Variants in NRXN1 observed in about 807,000 individuals in gnomAD.
The protein encoded by NRXN1 is neurexin-1.
Under a neutral mutation model 150.9 loss-of-function variants are expected in NRXN1, and 39 were observed. The observed-to-expected ratio is 0.26, with a 90% CI of 0.20 to 0.34. The LOEUF (loss-of-function observed/expected upper bound fraction) is 0.34. Among genes scored for constraint, NRXN1 ranks in the 10% least tolerant of loss-of-function variants. NRXN1 has a pLI of 1.00. For synonymous variants in NRXN1, 924 were observed against 757.0 expected (o/e 1.22, Z -3.62); for missense variants, 1,815 against 1,949.9 (o/e 0.93, Z 1.30).
At chr2:51,020,242 T>C (rs182135505) in intron 2 of NRXN1, among the ~76,000 whole-genome samples, 2 of 151,802 alleles carry the variant, frequency 1.3e-5, no homozygotes, top group Admixed American at 1.3e-4. Context: ...CATCATAGAT[T>C]AGTTGTATCT....
At chr2:50,039,004 C>T (rs1690498393) in intron 21 of NRXN1, among the ~76,000 whole-genome samples, 2 of 151,906 alleles carry the variant, frequency 1.3e-5, no homozygotes, top group African/African-American at 4.8e-5. Flanking sequence ...GTGGTGAAAC[C>T]TCGTCTCTAC....
At chr2:50,902,660 A>G (rs576226079) in intron 5 of NRXN1, among the ~76,000 whole-genome samples, 1 of 152,280 alleles carries the variant, frequency 6.6e-6, no homozygotes, top group East Asian at 1.9e-4. Context: ...AAACCCATGC[A>G]TGGTGTAGTT....
chr2:50,463,050 A>C (rs1465143047), intron 17 of NRXN1, among the ~76,000 whole-genome samples: 1 of 151,794 alleles, frequency 6.6e-6, no homozygotes, highest in African/African-American at 2.4e-5. Context: ...ACTAGAGATG[A>C]AAATTTCATT....
chr2:50,446,654 C>CTT (rs1458771680), intron 17 of NRXN1, among the ~76,000 whole-genome samples: 5 of 150,618 alleles, frequency 3.3e-5, no homozygotes, highest in Non-Finnish European at 5.9e-5. Flanking sequence ...GTTCTCAATA[C>CTT]TTAACATAAT....
intron 18 of NRXN1, among the ~76,000 whole-genome samples, chr2:50,148,300 T>C (rs796695031): frequency 2.1e-4 from 32 of 151,740 alleles, no homozygotes; most frequent in African/African-American, 7.5e-4. Context: ...AACCTCTGTT[T>C]ATGTCAGTTT....
chr2:50,869,457 T>TA lies in NRXN1; in HGVS notation c.832+52411dup, dbSNP rs144495184. Among the ~76,000 whole-genome samples, 310 of 143,060 alleles carry TA rather than the reference T, an allele frequency of 2.2e-3. 1 individual carries two copies. Among genetic ancestry groups the TA allele is most frequent in the African/African-American group, 4.3e-3 (168 of 39,012 alleles). 93.9% of individuals were successfully genotyped at this position (143,060 alleles called of 152,430 possible). On this transcript the variant is annotated intron_variant, in intron 5 of 22. Transcript: ENST00000401669. Reference sequence around the variant, plus strand: ...CTGACTTAAAAGTAAGTCAAAAAAATAAAAAAAAAAGATGACTATTAAAGT... The same window carrying TA: ...CTGACTTAAAAGTAAGTCAAAAAAATAAAAAAAAAAAGATGACTATTAAAGT...
intron 5 of NRXN1, among the ~76,000 whole-genome samples, chr2:50,853,222 TTTC>T (rs1674767772): frequency 6.6e-6 from 1 of 152,172 alleles, no homozygotes; most frequent in Non-Finnish European, 1.5e-5. Context: ...TATGCTCACA[TTTC>T]TTCAACATCT....
At chr2:50,259,055 G>A (rs2067993616) in intron 17 of NRXN1, among the ~76,000 whole-genome samples, 1 of 151,934 alleles carries the variant, frequency 6.6e-6, no homozygotes, top group Admixed American at 6.6e-5. Flanking sequence ...TTTTAGAATG[G>A]TTAATAAGCA....
chr2:50,630,359 C>G (rs1428450580), intron 5 of NRXN1, among the ~76,000 whole-genome samples: 3 of 151,552 alleles, frequency 2.0e-5, no homozygotes, highest in Non-Finnish European at 4.4e-5. Context: ...AAATGTTAAA[C>G]AAAGATAGGT....
At chr2:50,570,118 G>C (rs1670437627) in intron 8 of NRXN1, among the ~76,000 whole-genome samples, 2 of 152,084 alleles carry the variant, frequency 1.3e-5, no homozygotes, top group Admixed American at 1.3e-4. Context: ...TATTTCTATT[G>C]ATATTTTGGA....
At chr2:50,180,375 C>T (rs945888834) in intron 18 of NRXN1, among the ~76,000 whole-genome samples, 2 of 152,034 alleles carry the variant, frequency 1.3e-5, no homozygotes, top group South Asian at 4.2e-4. Flanking sequence ...ATCCTTGAAG[C>T]AAAACTCTCA....
chr2:50,855,362 C>T (rs1179372442), intron 5 of NRXN1, among the ~76,000 whole-genome samples: 1 of 151,794 alleles, frequency 6.6e-6, no homozygotes, highest in Non-Finnish European at 1.5e-5. Flanking sequence ...TTAATTTTAT[C>T]AAAAAGAAAA....
At chr2:50,697,638 C>T (rs1043506406) in intron 5 of NRXN1, among the ~76,000 whole-genome samples, 2 of 152,172 alleles carry the variant, frequency 1.3e-5, no homozygotes, top group Non-Finnish European at 2.9e-5. Context: ...CCATGCTTCA[C>T]TTCTCAACTA....
At chr2:50,102,879 G>C (rs904361595) in intron 18 of NRXN1, among the ~76,000 whole-genome samples, 1 of 152,040 alleles carries the variant, frequency 6.6e-6, no homozygotes, top group African/African-American at 2.4e-5. Flanking sequence ...ATGTGAACAT[G>C]TACAGGTATT....
At chr2:49,959,916 T>C (rs1312374515) in intron 21 of NRXN1, among the ~76,000 whole-genome samples, 2 of 152,184 alleles carry the variant, frequency 1.3e-5, no homozygotes, top group African/African-American at 4.8e-5. Context: ...TAGCATATTG[T>C]GAAGTGGAAG....
At chr2:50,083,826 G>T (rs964306470) in intron 19 of NRXN1, among the ~76,000 whole-genome samples, 31 of 152,062 alleles carry the variant, frequency 2.0e-4, no homozygotes, top group African/African-American at 6.5e-4. Context: ...GCTGATTGGT[G>T]TATTTACAAA....
chr2:50,900,058 T>C (rs1682680585), intron 5 of NRXN1, among the ~76,000 whole-genome samples: 1 of 152,136 alleles, frequency 6.6e-6, no homozygotes, highest in Non-Finnish European at 1.5e-5. Context: ...CATAAAATAA[T>C]CAGAGAATTA....
At chr2:50,554,885 A>G (rs7558888) in intron 8 of NRXN1, among the ~76,000 whole-genome samples, 38,016 of 152,098 alleles carry the variant, frequency 0.25, 5,019 homozygotes, top group East Asian at 0.43. Context: ...TTTAACAAGC[A>G]TCTATTGACA....
At chr2:50,392,791 T>A (rs182542976) in intron 17 of NRXN1, among the ~76,000 whole-genome samples, 1 of 152,192 alleles carries the variant, frequency 6.6e-6, no homozygotes, top group Admixed American at 6.5e-5. Flanking sequence ...ATATCAGGAC[T>A]GCTAACTAGA....
Sources: gnomAD v4.1 joint callset for allele counts (sites outside exome capture counted in the v4.1 genomes callset) on GRCh38, gnomAD v4.1.1 for gene constraint, MANE v1.5 for transcripts, NCBI Gene and HGNC (gene_info 2026-07-23, HGNC 2026-07-21) for gene names.